Variants in EML5 observed in about 807,000 individuals in gnomAD.
EML5 encodes the protein EMAP like 5.
Under a neutral mutation model 250.0 loss-of-function variants are expected in EML5, and 120 were observed. The ratio of observed to expected loss-of-function variants is 0.48; its 90% confidence interval spans 0.41 to 0.56. The LOEUF (loss-of-function observed/expected upper bound fraction) is 0.56. Among genes scored for constraint, EML5 ranks in the 20% least tolerant of loss-of-function variants. The probability of loss-of-function intolerance (pLI) is 0.00; values close to 1 mark genes in which losing one functional copy is unlikely to be tolerated. For synonymous variants in EML5, 771 were observed against 806.5 expected (o/e 0.96, Z 0.75); for missense variants, 2,006 against 2,437.6 (o/e 0.82, Z 3.73).
chr14:88,681,999 A>G lies in EML5; in HGVS notation c.3015T>C (p.Ala1005=). The G allele has an allele frequency of 6.2e-7, 1 of 1,611,566 alleles. No individual in the cohort carries two copies. Among genetic ancestry groups the G allele is most frequent in the Non-Finnish European group, 8.5e-7 (1 of 1,179,084 alleles). Residue 1005 remains alanine, a synonymous_variant, in exon 21 of 44, where the codon GCT becomes GCC. Transcript: ENST00000554922. ...GHMEGEVWGL[A]THPYLPICAT... ...CACAGATGGGCAGATAAGGGTGTGT[A>G]GCTAAACCCCACACCTCTCCTTCCA...
intron 29 of EML5, 94 bp from the exon 30 acceptor site, chr14:88,644,605 A>AAAGAT: frequency 8.9e-7 from 1 of 1,127,024 alleles, no homozygotes; most frequent in Non-Finnish European, 1.3e-6. Flanking sequence ...GTGTCTTGTC[A>AAAGAT]CACCTTCCCA....
chr14:88,689,301 G>A (rs1251503330), intron 17 of EML5, among the ~76,000 whole-genome samples: 4 of 150,736 alleles, frequency 2.7e-5, no homozygotes, highest in Admixed American at 6.8e-5. Context: ...ATCAGCTCTT[G>A]CCAAACTGTT....
chr14:88,758,323 G>C (rs1321305724), intron 1 of EML5, among the ~76,000 whole-genome samples: 1 of 151,894 alleles, frequency 6.6e-6, no homozygotes, highest in African/African-American at 2.4e-5. Context: ...CTCCCAAGTA[G>C]CTGGGATTAC....
At chr14:88,757,271 T>A (rs948508715) in intron 1 of EML5, among the ~76,000 whole-genome samples, 12 of 152,008 alleles carry the variant, frequency 7.9e-5, no homozygotes, top group African/African-American at 2.9e-4. Context: ...TGAATATATA[T>A]CCACATACAA....
chr14:88,721,192 A>T (rs1302941699), intron 8 of EML5, among the ~76,000 whole-genome samples: 1 of 152,228 alleles, frequency 6.6e-6, no homozygotes, highest in Non-Finnish European at 1.5e-5. Context: ...CATCCTGCCC[A>T]AAGTAATTTA....
intron 29 of EML5, among the ~76,000 whole-genome samples, chr14:88,645,588 G>A (rs902042362): frequency 6.6e-5 from 10 of 152,042 alleles, no homozygotes; most frequent in African/African-American, 1.5e-4. Flanking sequence ...AATCACATCC[G>A]AGTTCAAATT....
chr14:88,699,957 T>TACAC (rs931393518), intron 14 of EML5, among the ~76,000 whole-genome samples: 1 of 151,982 alleles, frequency 6.6e-6, no homozygotes, highest in African/African-American at 2.4e-5. Context: ...TATCTATATA[T>TACAC]ACACACACAC....
chr14:88,697,813 G>A (rs1249245918), intron 14 of EML5, among the ~76,000 whole-genome samples: 14 of 151,966 alleles, frequency 9.2e-5, no homozygotes, highest in South Asian at 4.2e-4. Flanking sequence ...TCGGCTCACC[G>A]CAACCTCCAC....
chr14:88,646,844 G>T, intron 29 of EML5, 103 bp downstream of exon 29: 1 of 1,196,960 alleles, frequency 8.4e-7, no homozygotes, highest in Non-Finnish European at 1.1e-6. Context: ...AAACTGTGAA[G>T]AGAGGTAAAG....
chr14:88,625,748 G>A (rs1192123034), intron 35 of EML5: 1 of 152,112 alleles, frequency 6.6e-6, no homozygotes, highest in Admixed American at 6.5e-5. Context: ...TACCCAAAAT[G>A]TTCAACTGAA....
At chr14:88,677,210 C>G (rs1014399163) in intron 21 of EML5, among the ~76,000 whole-genome samples, 19 of 152,212 alleles carry the variant, frequency 1.2e-4, no homozygotes, top group African/African-American at 4.3e-4. Flanking sequence ...TGGCCAGATT[C>G]CCTATTTAAT....
chr14:88,754,990 A>T (rs886351034), intron 1 of EML5, among the ~76,000 whole-genome samples: 2 of 152,068 alleles, frequency 1.3e-5, no homozygotes, highest in Admixed American at 6.5e-5. Context: ...TTTTTAGTAG[A>T]GATGGGGTTT....
intron 2 of EML5, among the ~76,000 whole-genome samples, chr14:88,751,518 T>C (rs988589947): frequency 6.6e-6 from 1 of 151,430 alleles, no homozygotes; most frequent in Admixed American, 6.6e-5. Flanking sequence ...TTTTTTTTTG[T>C]TTGTTGGTTT....
Position 88,616,195 on chromosome 14 carries a change from A to G in EML5, c.5844T>C (p.Ile1948=). 6.2e-7 allele frequency: 1 copy of G among 1,613,950 alleles called. No homozygotes were observed. Among genetic ancestry groups the G allele is most frequent in the Non-Finnish European group, 8.5e-7 (1 of 1,179,826 alleles). The change falls in exon 43 of 44, where the codon ATT becomes ATC. Residue 1948 remains isoleucine (I), a synonymous_variant. Coordinates refer to ENST00000554922, the MANE Select transcript of EML5 (RefSeq NM_183387.3). Reference sequence around the variant, plus strand: ...CATGTCGATCACCACTGGTAAATCGAATATTTGTCACATGGGGCGAATGAC... The same window carrying G: ...CATGTCGATCACCACTGGTAAATCGGATATTTGTCACATGGGGCGAATGAC... ...FLGHSPHVTN[I]RFTSGDRHVV... is the part of the protein sequence containing the mutation.
chr14:88,711,122 G>A (rs192812357), intron 10 of EML5, among the ~76,000 whole-genome samples: 1 of 151,978 alleles, frequency 6.6e-6, no homozygotes, highest in African/African-American at 2.4e-5. Flanking sequence ...AAAATTTGTT[G>A]TGCATGGTGA....
chr14:88,741,394 T>TA (rs1324872159), intron 4 of EML5, among the ~76,000 whole-genome samples: 4 of 152,300 alleles, frequency 2.6e-5, no homozygotes, highest in African/African-American at 9.6e-5. Context: ...TTGTAAAGCT[T>TA]AAAAAAATAA....
chr14:88,779,853 T>TA (rs2094479788), intron 1 of EML5, among the ~76,000 whole-genome samples: 1 of 152,214 alleles, frequency 6.6e-6, no homozygotes, highest in Admixed American at 6.5e-5. Flanking sequence ...CATTGTGAGT[T>TA]CATATGGACA....
intron 10 of EML5, among the ~76,000 whole-genome samples, chr14:88,710,193 TAATG>T: frequency 6.6e-6 from 1 of 152,220 alleles, no homozygotes; most frequent in African/African-American, 2.4e-5. Context: ...AAGAGGATGA[TAATG>T]AAGAAAAAAA....
intron 21 of EML5, among the ~76,000 whole-genome samples, chr14:88,669,949 G>T (rs964213638): frequency 2.0e-5 from 3 of 152,074 alleles, no homozygotes; most frequent in Non-Finnish European, 1.5e-5. Context: ...GTGTGGGAGG[G>T]ACCCAGGCAA....
Sources: allele counts gnomAD v4.1 joint callset (sites outside exome capture counted in the v4.1 genomes callset), GRCh38; gene constraint gnomAD v4.1.1; transcripts MANE v1.5; gene names NCBI Gene and HGNC (gene_info 2026-07-23, HGNC 2026-07-21).